Variants in ADGRL3 observed in about 807,000 individuals in gnomAD.
ADGRL3 encodes the protein calcium-independent alpha-latrotoxin receptor 3.
Under a neutral mutation model 153.5 loss-of-function variants are expected in ADGRL3, and 62 were observed. The observed-to-expected ratio is 0.40, with a 90% CI of 0.33 to 0.50. ADGRL3 has a LOEUF of 0.50. ADGRL3 is among the 20% of genes least tolerant of loss of function. ADGRL3 has a pLI of 0.47. For missense variants in ADGRL3, 1,641 were observed against 1,859.4 expected, an observed-to-expected ratio of 0.88 and a Z score of 2.16; for synonymous variants, 710 against 672.5, an observed-to-expected ratio of 1.06 and a Z score of -0.86.
chr4:61,515,044 A>G (rs1052534598), intron 3 of ADGRL3, among the ~76,000 whole-genome samples: 1 of 151,872 alleles, frequency 6.6e-6, no homozygotes, highest in African/African-American at 2.4e-5. Context: ...GTCCTATGCT[A>G]CTCTTCCCTC....
At chr4:61,253,992 T>G (rs1007892042) in intron 1 of ADGRL3, among the ~76,000 whole-genome samples, 1 of 152,156 alleles carries the variant, frequency 6.6e-6, no homozygotes, top group Non-Finnish European at 1.5e-5. Flanking sequence ...GGCCTTTGCT[T>G]AATTCTGAGT....
chr4:61,363,026 C>A (rs1261078887), intron 1 of ADGRL3, among the ~76,000 whole-genome samples: 3 of 152,196 alleles, frequency 2.0e-5, no homozygotes, highest in Non-Finnish European at 4.4e-5. Context: ...GAATATCCCT[C>A]AACTGACTTT....
intron 6 of ADGRL3, among the ~76,000 whole-genome samples, chr4:61,683,872 C>T (rs1266317417): frequency 6.6e-6 from 1 of 152,136 alleles, no homozygotes; most frequent in Non-Finnish European, 1.5e-5. Context: ...TCTAAGGATT[C>T]TCTCACCTTT....
At chr4:61,824,995 TA>T (rs1235296012) in intron 9 of ADGRL3, among the ~76,000 whole-genome samples, 2 of 152,298 alleles carry the variant, frequency 1.3e-5, no homozygotes, top group East Asian at 3.9e-4. Flanking sequence ...CCTTAGCTGC[TA>T]AAAGGCATAT....
At chr4:61,532,535 C>CGT (rs1370731660) in intron 4 of ADGRL3, among the ~76,000 whole-genome samples, 5 of 127,354 alleles carry the variant, frequency 3.9e-5, no homozygotes, top group Admixed American at 1.6e-4. Flanking sequence ...GCTGCATGCG[C>CGT]GCGCGCGCGC....
intron 6 of ADGRL3, among the ~76,000 whole-genome samples, chr4:61,707,130 A>G (rs1057318571): frequency 1.2e-4 from 19 of 152,190 alleles, no homozygotes; most frequent in South Asian, 2.1e-4. Context: ...CAGTCAGAAC[A>G]CAAGCGTTTA....
chr4:61,763,739 A>G (rs1383519257), intron 8 of ADGRL3, among the ~76,000 whole-genome samples: 1 of 152,194 alleles, frequency 6.6e-6, no homozygotes, highest in Non-Finnish European at 1.5e-5. Context: ...ACACACACAT[A>G]AACACTATAT....
intron 11 of ADGRL3, among the ~76,000 whole-genome samples, chr4:61,902,387 C>T (rs1169235640): frequency 5.3e-5 from 8 of 152,132 alleles, no homozygotes; most frequent in African/African-American, 1.9e-4. Context: ...ATGCCCACTA[C>T]CCCAATCCAT....
chr4:61,673,958 A>C (rs2095095242), intron 5 of ADGRL3, among the ~76,000 whole-genome samples: 1 of 151,278 alleles, frequency 6.6e-6, no homozygotes, highest in Admixed American at 6.6e-5. Context: ...CACTGAACAG[A>C]CACTATCTCA....
chr4:61,892,722 C>A lies in ADGRL3; in HGVS notation c.1547C>A (p.Thr516Asn). ...ACCAGTACCACCCTTCGGACCACAA[C>A]TTTGAGCCCAGGAAGGAGTACCACC... ...TTTSTTLRTT[T>N]LSPGRSTTPS... Residue 516 changes from threonine (T) to asparagine (N), a missense_variant, in exon 10 of 27, where the codon ACT (threonine) becomes AAT (asparagine). Thr to Asn is a moderately conservative substitution (Grantham distance 65). Around this residue, in one of 5 missense-constraint regions of ADGRL3, gnomAD observed 734 missense variants for 797.0 expected, o/e 0.92. Coordinates refer to ENST00000683033, the MANE Select transcript of ADGRL3 (RefSeq NM_001387552.1). The A allele has an allele frequency of 6.2e-7, 1 of 1,613,926 alleles. No individual in the cohort carries two copies. The highest frequency in any genetic ancestry group is 2.2e-5 in the East Asian group (1 of 44,874).
intron 5 of ADGRL3, among the ~76,000 whole-genome samples, chr4:61,606,990 A>G (rs1017601633): frequency 6.6e-6 from 1 of 152,190 alleles, no homozygotes; most frequent in Non-Finnish European, 1.5e-5. Context: ...AAAGCAATTC[A>G]CTGAGACTGT....
intron 4 of ADGRL3, among the ~76,000 whole-genome samples, chr4:61,524,266 G>A (rs535319903): frequency 1.1e-4 from 17 of 152,164 alleles, no homozygotes; most frequent in Non-Finnish European, 2.2e-4. Context: ...GTCAGATGAT[G>A]TCCATAAAAC....
chr4:61,484,974 CA>C (rs2152751339), intron 2 of ADGRL3, among the ~76,000 whole-genome samples: 1 of 152,246 alleles, frequency 6.6e-6, no homozygotes, highest in African/African-American at 2.4e-5. Flanking sequence ...CTATTGATTT[CA>C]AAACCATAAA....
chr4:62,065,123 A>G (rs10004895), intron 25 of ADGRL3, among the ~76,000 whole-genome samples: 3,917 of 152,032 alleles, frequency 0.026, 181 homozygotes, highest in African/African-American at 0.091. Flanking sequence ...TTATGTATAT[A>G]TTTTTTTCTT....
intron 9 of ADGRL3, among the ~76,000 whole-genome samples, chr4:61,841,429 T>A (rs2098030811): frequency 6.6e-6 from 1 of 152,206 alleles, no homozygotes; most frequent in African/African-American, 2.4e-5. Context: ...AGGAAACTCT[T>A]GAATTTTTCT....
intron 1 of ADGRL3, among the ~76,000 whole-genome samples, chr4:61,357,972 T>A (rs2096209340): frequency 6.6e-6 from 1 of 152,182 alleles, no homozygotes; most frequent in Non-Finnish European, 1.5e-5. Flanking sequence ...GAACAATTTA[T>A]TTAGCTTCCC....
chr4:61,330,224 G>A (rs958753070), intron 1 of ADGRL3, among the ~76,000 whole-genome samples: 2 of 152,148 alleles, frequency 1.3e-5, no homozygotes, highest in African/African-American at 4.8e-5. Flanking sequence ...TGCACAGATA[G>A]CTGGTTAAAC....
At chr4:61,947,595 A>T (rs2098930700) in intron 16 of ADGRL3, among the ~76,000 whole-genome samples, 1 of 152,214 alleles carries the variant, frequency 6.6e-6, no homozygotes, top group South Asian at 2.1e-4. Flanking sequence ...ATTATGTTGC[A>T]TACCTTAAAT....
At chr4:61,430,845 T>C (rs1250618814) in intron 2 of ADGRL3, among the ~76,000 whole-genome samples, 2 of 152,168 alleles carry the variant, frequency 1.3e-5, no homozygotes, top group Non-Finnish European at 2.9e-5. Context: ...GAATATATTC[T>C]CCTGCATATT....
Sources: gnomAD v4.1 joint callset for allele counts (sites outside exome capture counted in the v4.1 genomes callset) on GRCh38, gnomAD v4.1.1 for gene constraint, gnomAD v4.1.1 regional missense constraint, MANE v1.5 for transcripts, NCBI Gene and HGNC (gene_info 2026-07-23, HGNC 2026-07-21) for gene names.